Variants in STON2 observed in about 807,000 individuals in gnomAD.
STON2 encodes stonin-2.
In STON2, 29 loss-of-function variants were observed where a neutral mutation model predicts 65.7. The ratio of observed to expected loss-of-function variants is 0.44; its 90% CI spans 0.33 to 0.60. The LOEUF is 0.60. Ranked by LOEUF, STON2 falls within the 20% of genes least tolerant of loss-of-function variation. The pLI, the probability that STON2 is intolerant of heterozygous loss-of-function variation, is 0.03. For synonymous variants in STON2, 404 were observed against 414.2 expected, an observed-to-expected ratio of 0.98 and a Z score of 0.30; for missense variants, 1,054 against 1,118.1, an observed-to-expected ratio of 0.94 and a Z score of 0.82.
rs570172733 is a variant in STON2, at chr14:81,298,606, C to T, written c.743-19867G>A. On this transcript the variant is annotated intron_variant, in intron 5 of 7. Coordinates refer to ENST00000614646, the MANE Select transcript of STON2 (RefSeq NM_001394390.1). ...TTATTTTCCTGCTCTGGTAAGTTCC[C>T]AAGGAAGAGAAACTACAGAAAAGCA... Among the ~76,000 whole-genome samples the T allele has an allele frequency of 4.1e-4, 63 of 152,250 alleles. 1 individual carries two copies. In the South Asian group the frequency reaches 8.9e-3, roughly 22 times the overall value.
At position 81,365,413 on chromosome 14, in the gene STON2, T is replaced by C. The variant is rs1463320575; in HGVS notation, c.571+5575A>G. On this transcript the variant is annotated intron_variant, in intron 4 of 7. Coordinates refer to ENST00000614646, the MANE Select transcript of STON2 (RefSeq NM_001394390.1). ...AGTCTTGACATCCTCAGCTTACATA[T>C]ATCTGAGCATTCTAATCCTACACTT... is the stretch of plus-strand genomic sequence containing the variant. Among the ~76,000 whole-genome samples, 9 of 152,180 alleles carry C rather than the reference T, an allele frequency of 5.9e-5. 1 individual carries two copies. Among genetic ancestry groups the C allele is most frequent in the Admixed American group, 5.9e-4 (9 of 15,274 alleles).
intron 4 of STON2, among the ~76,000 whole-genome samples, chr14:81,340,325 T>G (rs747246979): frequency 1.3e-5 from 2 of 152,144 alleles, no homozygotes; most frequent in African/African-American, 4.8e-5. Context: ...GAAGTGATTA[T>G]AAATGCACAC....
chr14:81,270,062 G>T, intron 7 of STON2: 1 of 981,676 alleles, frequency 1.0e-6, no homozygotes, highest in Non-Finnish European at 1.2e-6. Context: ...TATTGCAAAT[G>T]AATAATAACA....
In STON2 at chr14:81,266,595, C is replaced by T; in HGVS notation, c.*1819G>A. 1 of 813,040 alleles carries T rather than the reference C, an allele frequency of 1.2e-6. No homozygotes were observed. Among genetic ancestry groups the T allele is most frequent in the Non-Finnish European group, 1.5e-6 (1 of 672,938 alleles). The allele number at this position is 813,040 out of a possible 1,614,324, so 50.4% of individuals were successfully genotyped here. On this transcript the variant is annotated 3_prime_UTR_variant, in exon 8 of 8. Coordinates refer to ENST00000614646, the MANE Select transcript of STON2 (RefSeq NM_001394390.1). ...AATGTCTCTCTTAAAATATGATACCCATAATTGAACTCAACCCTCCATTTA... is the reference window on the plus strand; with the variant it reads ...AATGTCTCTCTTAAAATATGATACCTATAATTGAACTCAACCCTCCATTTA...
chr14:81,293,726 C>A (rs1247519311), intron 5 of STON2, among the ~76,000 whole-genome samples: 1 of 152,100 alleles, frequency 6.6e-6, no homozygotes, highest in Non-Finnish European at 1.5e-5. Context: ...ATGTGAGTGA[C>A]CCTTCCAGGG....
At chr14:81,292,219 C>A (rs1416003730) in intron 5 of STON2, among the ~76,000 whole-genome samples, 1 of 152,184 alleles carries the variant, frequency 6.6e-6, no homozygotes, top group Non-Finnish European at 1.5e-5. Flanking sequence ...CTGATTTAAA[C>A]AAACAACTGC....
At chr14:81,310,980 G>T (rs981663420) in intron 5 of STON2, among the ~76,000 whole-genome samples, 4 of 152,060 alleles carry the variant, frequency 2.6e-5, no homozygotes, top group African/African-American at 9.7e-5. Context: ...TGAGTCAACG[G>T]GTGCCACTGA....
At chr14:81,418,749 T>C (rs1351945125) in intron 2 of STON2, among the ~76,000 whole-genome samples, 1 of 152,210 alleles carries the variant, frequency 6.6e-6, no homozygotes, top group Non-Finnish European at 1.5e-5. Flanking sequence ...CTCTCTGCTT[T>C]TGTTTCCACA....
intron 4 of STON2, among the ~76,000 whole-genome samples, chr14:81,345,846 C>T (rs1373396159): frequency 6.6e-6 from 1 of 152,124 alleles, no homozygotes. Flanking sequence ...ATATAAGACT[C>T]CATATAAGCC....
At chr14:81,407,955 C>T (rs1489179423) in intron 2 of STON2, among the ~76,000 whole-genome samples, 1 of 152,156 alleles carries the variant, frequency 6.6e-6, no homozygotes, top group Non-Finnish European at 1.5e-5. Context: ...AATAACCATG[C>T]TGCTTGTTTC....
At chr14:81,364,603 T>A (rs911224788) in intron 4 of STON2, among the ~76,000 whole-genome samples, 3 of 152,278 alleles carry the variant, frequency 2.0e-5, no homozygotes, top group Non-Finnish European at 4.4e-5. Flanking sequence ...TGTATATGTA[T>A]GTGTGTGTAT....
chr14:81,297,466 A>C (rs1416709719), intron 5 of STON2, among the ~76,000 whole-genome samples: 1 of 152,194 alleles, frequency 6.6e-6, no homozygotes, highest in African/African-American at 2.4e-5. Context: ...CATTGTTAGA[A>C]CTGTCCAATC....
intron 2 of STON2, among the ~76,000 whole-genome samples, chr14:81,406,267 T>C (rs1405609394): frequency 1.3e-5 from 2 of 152,194 alleles, no homozygotes; most frequent in African/African-American, 4.8e-5. Context: ...ACATCTATCC[T>C]ATTAATTCTG....
chr14:81,350,509 A>C (rs1355912946), intron 4 of STON2, among the ~76,000 whole-genome samples: 3 of 152,060 alleles, frequency 2.0e-5, no homozygotes, highest in African/African-American at 7.2e-5. Context: ...TCAGAGAGGA[A>C]TGAAATGAAA....
At chr14:81,414,942 A>C (rs778269454) in intron 2 of STON2, among the ~76,000 whole-genome samples, 2 of 152,104 alleles carry the variant, frequency 1.3e-5, no homozygotes, top group Non-Finnish European at 2.9e-5. Context: ...AAAAGGTAAG[A>C]TCTGCCCATG....
chr14:81,422,530 T>C (rs1901754724), intron 2 of STON2, among the ~76,000 whole-genome samples: 1 of 152,130 alleles, frequency 6.6e-6, no homozygotes, highest in Non-Finnish European at 1.5e-5. Flanking sequence ...AAAAGAGATA[T>C]TTGTGTTCAT....
rs905802886 is a variant in STON2, at chr14:81,267,331, A to T, written c.*1083T>A. 1.0e-6 allele frequency: 1 copy of T among 985,250 alleles called. No individual in the cohort carries two copies. The highest frequency in any genetic ancestry group is 1.7e-5 in the African/African-American group (1 of 57,232). The allele number at this position is 985,250 out of a possible 1,614,324, so 61.0% of individuals were successfully genotyped here. A position where few individuals can be genotyped will look rare whatever the true frequency, so the allele number is the denominator to read the frequency against. On this transcript the variant is annotated 3_prime_UTR_variant, in exon 8 of 8. Transcript: ENST00000614646. The stretch of plus-strand genomic sequence containing the variant: ...TCTCTACCCTAGAGATGCCTTTTCA[A>T]TCCAATCCAATACTGTGATTATCAA...
Position 81,267,471 on chromosome 14 carries a change from T to C in STON2, c.*943A>G, listed in dbSNP as rs1894402129. The C allele has an allele frequency of 3.0e-6, 3 of 985,208 alleles. No individual in the cohort carries two copies. The highest frequency in any genetic ancestry group is 6.1e-5 in the Admixed American group (1 of 16,266). The allele number at this position is 985,208 out of a possible 1,614,324, so 61.0% of individuals were successfully genotyped here. A position where few individuals can be genotyped will look rare whatever the true frequency, so the allele number is the denominator to read the frequency against. On this transcript the variant is annotated 3_prime_UTR_variant, in exon 8 of 8. Coordinates refer to ENST00000614646, the MANE Select transcript of STON2 (RefSeq NM_001394390.1). ...GGTTAAAGGGACATGCAACTGTCTA[T>C]TGGTCATGAGGTATAAAAAGAACTC...
intron 1 of STON2, among the ~76,000 whole-genome samples, chr14:81,432,402 G>A (rs1225476029): frequency 6.6e-6 from 1 of 152,172 alleles, no homozygotes; most frequent in African/African-American, 2.4e-5. Context: ...GGGGGTAGGT[G>A]CTGATCACAA....
Sources: gnomAD v4.1 joint callset for allele counts (sites outside exome capture counted in the v4.1 genomes callset) on GRCh38, gnomAD v4.1.1 for gene constraint, MANE v1.5 for transcripts, NCBI Gene and HGNC (gene_info 2026-07-23, HGNC 2026-07-21) for gene names.